Variants in THSD7B observed in about 807,000 individuals in gnomAD.
The protein encoded by THSD7B is thrombospondin type 1 domain containing 7B.
A neutral mutation model predicts 213.6 loss-of-function variants in THSD7B; 138 were observed. The observed-to-expected ratio is 0.65, with a 90% CI of 0.56 to 0.74. The LOEUF is 0.74. Among genes scored for constraint, THSD7B ranks in the 30% least tolerant of loss-of-function variants. The pLI is 0.00. For synonymous variants in THSD7B, 742 were observed against 687.0 expected (o/e 1.08, Z -1.25); for missense variants, 1,931 against 1,991.5 (o/e 0.97, Z 0.58).
At chr2:137,553,565 T>G (rs1180583846) in intron 15 of THSD7B, among the ~76,000 whole-genome samples, 1 of 152,176 alleles carries the variant, frequency 6.6e-6, no homozygotes. Context: ...AATTCCCATG[T>G]GAAGAAATAA....
chr2:137,410,899 A>G (rs1182584349), intron 13 of THSD7B, among the ~76,000 whole-genome samples: 1 of 152,234 alleles, frequency 6.6e-6, no homozygotes, highest in African/African-American at 2.4e-5. Flanking sequence ...GCTGATTTAG[A>G]ATCCACTAAA....
intron 2 of THSD7B, among the ~76,000 whole-genome samples, chr2:136,989,033 G>A (rs580729): frequency 0.41 from 62,502 of 152,088 alleles, 15,285 homozygotes; most frequent in Non-Finnish European, 0.55. Context: ...ATTGGGGTAA[G>A]GATGGTTGAT....
chr2:137,190,464 G>A (rs1191331313), intron 7 of THSD7B, among the ~76,000 whole-genome samples: 1 of 152,116 alleles, frequency 6.6e-6, no homozygotes, highest in East Asian at 1.9e-4. Context: ...TGGGAGCATG[G>A]GATTGCCATG....
intron 2 of THSD7B, among the ~76,000 whole-genome samples, chr2:136,887,989 A>G (rs1683748662): frequency 6.6e-6 from 1 of 152,174 alleles, no homozygotes; most frequent in Non-Finnish European, 1.5e-5. Flanking sequence ...GTGGCTATTC[A>G]ATAACTGTTA....
At chr2:136,993,091 A>G (rs1685818061) in intron 2 of THSD7B, among the ~76,000 whole-genome samples, 1 of 152,240 alleles carries the variant, frequency 6.6e-6, no homozygotes, top group Non-Finnish European at 1.5e-5. Flanking sequence ...AGCCACCTGA[A>G]TGATTCATAA....
chr2:137,175,763 A>G (rs577414593), intron 7 of THSD7B, among the ~76,000 whole-genome samples: 3 of 152,296 alleles, frequency 2.0e-5, no homozygotes, highest in Middle Eastern at 3.4e-3. Context: ...CCTAAGTTGG[A>G]TCAAATATTC....
At chr2:136,861,912 G>A (rs1683263912) in intron 1 of THSD7B, among the ~76,000 whole-genome samples, 1 of 152,178 alleles carries the variant, frequency 6.6e-6, no homozygotes, top group African/African-American at 2.4e-5. Context: ...GCTTGACTGA[G>A]TCTGGAGGAT....
chr2:136,866,552 G>A (rs879835853), intron 1 of THSD7B, among the ~76,000 whole-genome samples: 1 of 152,038 alleles, frequency 6.6e-6, no homozygotes, highest in Non-Finnish European at 1.5e-5. Flanking sequence ...AGAAACTATA[G>A]GGCATCTGAC....
rs1465186874 is a variant in THSD7B, at chr2:137,232,881, T to G, written c.1916-18T>G. On this transcript the variant is annotated intron_variant, in intron 8 of 27. Transcript: ENST00000409968. ...ACAGCAACCACTATGTATTACCTTT[T>G]GTTCTTATTTTTGGCAGGTGGAAAG... 6.2e-7 allele frequency: 1 copy of G among 1,611,942 alleles called. No individual in the cohort carries two copies. The highest frequency in any genetic ancestry group is 8.5e-7 in the Non-Finnish European group (1 of 1,178,362).
intron 7 of THSD7B, among the ~76,000 whole-genome samples, chr2:137,209,839 C>T (rs958718871): frequency 1.3e-5 from 2 of 150,932 alleles, no homozygotes; most frequent in Admixed American, 1.3e-4. Context: ...TCCTAGAACC[C>T]AGTATCTCAG....
chr2:137,510,679 G>T (rs1026854094), intron 15 of THSD7B, among the ~76,000 whole-genome samples: 2 of 152,098 alleles, frequency 1.3e-5, no homozygotes, highest in Non-Finnish European at 2.9e-5. Context: ...TTAACTGTTA[G>T]CAATTTCAGT....
At chr2:137,314,121 C>G (rs1370158544) in intron 12 of THSD7B, among the ~76,000 whole-genome samples, 1 of 152,176 alleles carries the variant, frequency 6.6e-6, no homozygotes, top group Admixed American at 6.5e-5. Context: ...TGGTTCCATT[C>G]TCCCCATCAC....
rs531451215 is a variant in THSD7B, at chr2:137,422,263, T to C, written c.2959+10391T>C. Among the ~76,000 whole-genome samples the C allele has an allele frequency of 3.9e-5, 6 of 152,368 alleles. No individual in the cohort carries two copies. The East Asian group carries it at 1.2e-3, about 29-fold the overall frequency. On this transcript the variant is annotated intron_variant, in intron 14 of 27. Transcript: ENST00000409968. ...AGAAAGCAAATATGGGATTTGAGTA[T>C]TTCCTTGAACAACATTATATAAAAT...
intron 17 of THSD7B, among the ~76,000 whole-genome samples, chr2:137,586,788 T>C (rs1450228000): frequency 6.6e-6 from 1 of 152,214 alleles, no homozygotes; most frequent in Non-Finnish European, 1.5e-5. Context: ...TCATTTCAAC[T>C]TTCGTGAATC....
At chr2:137,237,228 T>C (rs1681785372) in intron 9 of THSD7B, among the ~76,000 whole-genome samples, 1 of 152,062 alleles carries the variant, frequency 6.6e-6, no homozygotes, top group Non-Finnish European at 1.5e-5. Flanking sequence ...ATTCGTTCCC[T>C]TTTATGGAGA....
At chr2:137,328,883 G>A (rs927823563) in intron 12 of THSD7B, among the ~76,000 whole-genome samples, 2 of 152,150 alleles carry the variant, frequency 1.3e-5, no homozygotes, top group African/African-American at 4.8e-5. Flanking sequence ...CTTCTTCTAT[G>A]ATTGTAAGTT....
At chr2:137,490,901 T>C (rs759694627) in intron 15 of THSD7B, among the ~76,000 whole-genome samples, 5 of 152,246 alleles carry the variant, frequency 3.3e-5, no homozygotes, top group Non-Finnish European at 5.9e-5. Flanking sequence ...AAGCATGTTG[T>C]GGATTATCCA....
intron 15 of THSD7B, among the ~76,000 whole-genome samples, chr2:137,540,614 A>G (rs1421435210): frequency 6.6e-6 from 1 of 151,656 alleles, no homozygotes; most frequent in Non-Finnish European, 1.5e-5. Context: ...TTTCCCTGGA[A>G]CACCCCACTC....
At chr2:137,533,519 T>C (rs1481122687) in intron 15 of THSD7B, among the ~76,000 whole-genome samples, 1 of 151,990 alleles carries the variant, frequency 6.6e-6, no homozygotes, top group Admixed American at 6.6e-5. Flanking sequence ...GGAGTATTTG[T>C]TGTTATTATT....
Sources: gnomAD v4.1 joint callset for allele counts (sites outside exome capture counted in the v4.1 genomes callset) on GRCh38, gnomAD v4.1.1 for gene constraint, MANE v1.5 for transcripts, NCBI Gene and HGNC (gene_info 2026-07-23, HGNC 2026-07-21) for gene names.